Variants in PRSS54 observed in about 807,000 individuals in gnomAD.
PRSS54 encodes inactive serine protease 54.
A neutral mutation model predicts 19.9 loss-of-function variants in PRSS54; 16 were observed. That is an observed-to-expected ratio of 0.80 (90% CI 0.54 to 1.22). The LOEUF (loss-of-function observed/expected upper bound fraction) is 1.22. PRSS54 is among the 50% of genes most tolerant of loss of function. The pLI, the probability that PRSS54 is intolerant of heterozygous loss-of-function variation, is 0.00. For missense variants in PRSS54, 444 were observed against 494.8 expected (o/e 0.90, Z 0.97); for synonymous variants, 177 against 195.8 (o/e 0.90, Z 0.80).
Position 58,284,705 on chromosome 16 carries a change from G to A in PRSS54, c.539C>T (p.Thr180Met), listed in dbSNP as rs758697357. The change falls in exon 6 of 7, where the codon ACG becomes ATG. Residue 180 changes from threonine (T) to methionine (M), a missense_variant. Coordinates refer to ENST00000567164, the MANE Select transcript of PRSS54 (RefSeq NM_001305173.2). ...NPTSATGNHMTMSVLRKIFVK... is the reference protein window; with the variant it reads ...NPTSATGNHMMMSVLRKIFVK... ...GAAGATTTTCCTCAGGACACTCATC[G>A]TCATGTGATTTCCTGTCTGGACCAT... 23 of 1,613,860 alleles carry A rather than the reference G, an allele frequency of 1.4e-5. No individual in the cohort carries two copies. Among genetic ancestry groups the A allele is most frequent in the East Asian group, 8.9e-5 (4 of 44,880 alleles).
intron 3 of PRSS54, among the ~76,000 whole-genome samples, chr16:58,292,314 C>G (rs1342092577): frequency 6.6e-6 from 1 of 152,084 alleles, no homozygotes; most frequent in African/African-American, 2.4e-5. Flanking sequence ...GGATGGATTT[C>G]AGGAGCCCAT....
Position 58,280,172 on chromosome 16 carries a change from T to C in PRSS54, c.*52A>G, listed in dbSNP as rs1303301525. On this transcript the variant is annotated 3_prime_UTR_variant, in exon 7 of 7. Transcript: ENST00000567164. ...ACATCAAAACAGCATGGTGAATGCC[T>C]GGCACTCAGCATTCTCAGTTTACTC... The C allele has an allele frequency of 3.3e-6, 5 of 1,522,750 alleles. No individual in the cohort carries two copies. In the African/African-American group the frequency reaches 6.9e-5, roughly 21 times the overall value. The allele number at this position is 1,522,750 out of a possible 1,614,324, so 94.3% of individuals were successfully genotyped here.
chr16:58,281,105 A>T (rs1424914109), intron 6 of PRSS54: 5 of 246,532 alleles, frequency 2.0e-5, no homozygotes, highest in Non-Finnish European at 3.9e-5. Flanking sequence ...TTGTCCTGAA[A>T]TGCTCACATT....
chr16:58,287,064 G>A (rs748306120), intron 4 of PRSS54, among the ~76,000 whole-genome samples: 5 of 152,078 alleles, frequency 3.3e-5, no homozygotes, highest in East Asian at 1.9e-4. Context: ...AGATAAGGCC[G>A]TCACAGGAGA....
chr16:58,292,350 GC>G lies in PRSS54; in HGVS notation c.86-1215del, dbSNP rs1174444641. Among the ~76,000 whole-genome samples, 3 of 152,116 alleles carry G rather than the reference GC, an allele frequency of 2.0e-5. No homozygotes were observed. The East Asian group carries it at 5.8e-4, about 29-fold the overall frequency. On this transcript the variant is annotated intron_variant, in intron 3 of 6. Coordinates refer to ENST00000567164, the MANE Select transcript of PRSS54 (RefSeq NM_001305173.2). ...CAGAGTGACATGCTGAAGAGTGATG[GC>G]CATATAGAGGGATATGTGACACAGG... is the stretch of plus-strand genomic sequence containing the variant.
chr16:58,289,988 TTC>T (rs1965001703), intron 4 of PRSS54, among the ~76,000 whole-genome samples: 1 of 151,896 alleles, frequency 6.6e-6, no homozygotes, highest in Non-Finnish European at 1.5e-5. Context: ...ATAGTCATTA[TTC>T]TCTCTCCCCC....
At chr16:58,284,266 C>T (rs1964857119) in intron 6 of PRSS54, 1 of 223,228 alleles carries the variant, frequency 4.5e-6, no homozygotes, top group South Asian at 9.1e-5. Flanking sequence ...CTGAATACAG[C>T]AGCCCCACAC....
At chr16:58,289,755 T>G (rs999755588) in intron 4 of PRSS54, among the ~76,000 whole-genome samples, 1 of 152,010 alleles carries the variant, frequency 6.6e-6, no homozygotes, top group African/African-American at 2.4e-5. Context: ...TATTTTTTAG[T>G]AGAGACAGGT....
intron 6 of PRSS54, 86 bp from the exon 7 acceptor site, chr16:58,280,843 A>G: frequency 7.6e-7 from 1 of 1,324,028 alleles, no homozygotes; most frequent in East Asian, 2.3e-5. Flanking sequence ...TGTTTGTTCT[A>G]GAAATGTTTT....
At chr16:58,286,903 G>C (rs1964930710) in intron 4 of PRSS54, among the ~76,000 whole-genome samples, 1 of 152,094 alleles carries the variant, frequency 6.6e-6, no homozygotes, top group African/African-American at 2.4e-5. Context: ...GAAAAGGAAA[G>C]AAACAAGACC....
In PRSS54 at chr16:58,280,039, T is replaced by A. The variant is rs1421399790; in HGVS notation, c.*185A>T. 2 of 653,472 alleles carry A rather than the reference T, an allele frequency of 3.1e-6. No individual in the cohort carries two copies. The highest frequency in any genetic ancestry group is 2.6e-6 in the Non-Finnish European group (1 of 381,282). The allele number at this position is 653,472 out of a possible 1,614,324, so 40.5% of individuals were successfully genotyped here. On this transcript the variant is annotated 3_prime_UTR_variant, in exon 7 of 7. Coordinates refer to ENST00000567164, the MANE Select transcript of PRSS54 (RefSeq NM_001305173.2). ...GCCAGCATTTAGTTCACAAGCATAG[T>A]GAAAGTGACCTTCCCACACCTGGGA...
chr16:58,285,475 G>A (rs1484021342), intron 5 of PRSS54, among the ~76,000 whole-genome samples: 4 of 152,120 alleles, frequency 2.6e-5, no homozygotes, highest in Admixed American at 1.3e-4. Flanking sequence ...AGTGGCTCAC[G>A]CCTGTAATCC....
intron 6 of PRSS54, chr16:58,281,038 C>A: frequency 2.5e-6 from 1 of 397,040 alleles, no homozygotes; most frequent in Non-Finnish European, 4.5e-6. Context: ...GTCCTTTGGC[C>A]AAACCTTCCC....
chr16:58,290,327 A>T (rs1266692905), intron 4 of PRSS54, among the ~76,000 whole-genome samples: 1 of 152,060 alleles, frequency 6.6e-6, no homozygotes, highest in African/African-American at 2.4e-5. Context: ...TTATTTCCTT[A>T]ATGTTGATTC....
chr16:58,286,321 T>G, intron 4 of PRSS54, 126 bp from the exon 5 acceptor site: 1 of 974,082 alleles, frequency 1.0e-6, no homozygotes, highest in Non-Finnish European at 1.6e-6. Context: ...GTGTTAATTC[T>G]TCCTCACCCC....
At chr16:58,290,563 T>C (rs1176269249) in intron 4 of PRSS54, among the ~76,000 whole-genome samples, 6 of 150,880 alleles carry the variant, frequency 4.0e-5, no homozygotes, top group African/African-American at 1.2e-4. Context: ...CTTTTCTCTC[T>C]GTACATGTAT....
At position 58,294,874 on chromosome 16, in the gene PRSS54, A is replaced by G. The variant is rs1450093186; in HGVS notation, c.-232+13T>C. Reference sequence around the variant, plus strand: ...AGAAGCCCAAGGAACCCATGTGCACAGTTCTAAGTCACCATGTTCCACTCA... The same window carrying G: ...AGAAGCCCAAGGAACCCATGTGCACGGTTCTAAGTCACCATGTTCCACTCA... On this transcript the variant is annotated intron_variant, in intron 1 of 6. Coordinates refer to ENST00000567164, the MANE Select transcript of PRSS54 (RefSeq NM_001305173.2). 6.5e-6 allele frequency: 1 copy of G among 152,756 alleles called. No individual in the cohort carries two copies. The highest frequency in any genetic ancestry group is 6.5e-5 in the Admixed American group (1 of 15,286). 9.5% of individuals were successfully genotyped at this position (152,756 alleles called of 1,614,324 possible).
intron 6 of PRSS54, 40 bp from the exon 7 acceptor site, chr16:58,280,797 T>G: frequency 6.6e-7 from 1 of 1,525,456 alleles, no homozygotes; most frequent in Non-Finnish European, 8.8e-7. Flanking sequence ...TTAGAAAAAC[T>G]AGTTTTTGTT....
Position 58,291,069 on chromosome 16 carries a change from C to T in PRSS54, c.153G>A (p.Met51Ile). 1 of 1,614,206 alleles carries T rather than the reference C, an allele frequency of 6.2e-7. No homozygotes were observed. The highest frequency in any genetic ancestry group is 8.5e-7 in the Non-Finnish European group (1 of 1,180,034). ...PDPKEGLVSSMEFPWVVSLQD... is the reference protein window; with the variant it reads ...PDPKEGLVSSIEFPWVVSLQD... ...GCAGCGACACCACCCACGGGAACTC[C>T]ATGCTGCTGACCAAGCCCTCCTTGG... The change falls in exon 4 of 7, where the codon ATG (methionine) becomes ATA (isoleucine). Residue 51 changes from methionine to isoleucine, a missense_variant. Coordinates refer to ENST00000567164, the MANE Select transcript of PRSS54 (RefSeq NM_001305173.2).
Sources: allele counts gnomAD v4.1 joint callset (sites outside exome capture counted in the v4.1 genomes callset), GRCh38; gene constraint gnomAD v4.1.1; transcripts MANE v1.5; gene names NCBI Gene and HGNC (gene_info 2026-07-23, HGNC 2026-07-21).